Variants in PLXDC2 observed in about 807,000 individuals in gnomAD.
PLXDC2 encodes the protein plexin domain containing 2.
PLXDC2 carries 40 observed loss-of-function variants against 68.9 expected under a neutral mutation model. The ratio of observed to expected loss-of-function variants is 0.58; its 90% confidence interval spans 0.45 to 0.76. The LOEUF is 0.76. PLXDC2 is among the 30% of genes least tolerant of loss of function. The pLI, the probability that PLXDC2 is intolerant of heterozygous loss-of-function variation, is 0.00. For missense variants in PLXDC2, 644 were observed against 661.9 expected, an observed-to-expected ratio of 0.97 and a Z score of 0.30; for synonymous variants, 243 against 234.2, an observed-to-expected ratio of 1.04 and a Z score of -0.34.
At chr10:20,271,749 G>T (rs1035087096) in intron 13 of PLXDC2, among the ~76,000 whole-genome samples, 5 of 152,170 alleles carry the variant, frequency 3.3e-5, no homozygotes, top group African/African-American at 7.2e-5. Flanking sequence ...GTGAACTACA[G>T]AGGCTAATTA....
At chr10:19,981,835 C>CT (rs1266685974) in intron 1 of PLXDC2, among the ~76,000 whole-genome samples, 1 of 152,186 alleles carries the variant, frequency 6.6e-6, no homozygotes, top group Non-Finnish European at 1.5e-5. Context: ...TAAGGACCCA[C>CT]TGTGGAGTTC....
chr10:20,257,982 T>G (rs1396481624), intron 13 of PLXDC2, among the ~76,000 whole-genome samples: 2 of 139,412 alleles, frequency 1.4e-5, no homozygotes, highest in East Asian at 2.1e-4. Context: ...TTTTGTGATT[T>G]TCTTTTTTTT....
At chr10:20,274,917 T>C (rs1835985924) in intron 13 of PLXDC2, among the ~76,000 whole-genome samples, 1 of 151,862 alleles carries the variant, frequency 6.6e-6, no homozygotes, top group Non-Finnish European at 1.5e-5. Flanking sequence ...TAAATATATA[T>C]GTTTAATGAC....
intron 9 of PLXDC2, among the ~76,000 whole-genome samples, chr10:20,208,965 G>T (rs910467192): frequency 1.3e-5 from 2 of 152,032 alleles, no homozygotes; most frequent in African/African-American, 4.8e-5. Flanking sequence ...TAGGGTGTGG[G>T]CCACAGAGAT....
chr10:20,239,122 A>C (rs1231106534), intron 12 of PLXDC2, among the ~76,000 whole-genome samples: 1 of 152,170 alleles, frequency 6.6e-6, no homozygotes, highest in Non-Finnish European at 1.5e-5. Context: ...GGCTTAACAA[A>C]GACTAAAGAT....
intron 3 of PLXDC2, among the ~76,000 whole-genome samples, chr10:20,061,354 C>T (rs1205497226): frequency 1.3e-5 from 2 of 152,086 alleles, no homozygotes; most frequent in African/African-American, 4.8e-5. Flanking sequence ...TACAATGTCC[C>T]TGATTTTGAG....
intron 11 of PLXDC2, among the ~76,000 whole-genome samples, chr10:20,218,264 G>A (rs1232248016): frequency 6.6e-6 from 1 of 152,044 alleles, no homozygotes; most frequent in Non-Finnish European, 1.5e-5. Context: ...CAGGTTTGAG[G>A]GGGATAAATG....
chr10:19,886,333 G>A (rs1178751069), intron 1 of PLXDC2, among the ~76,000 whole-genome samples: 1 of 152,056 alleles, frequency 6.6e-6, no homozygotes, highest in African/African-American at 2.4e-5. Flanking sequence ...TTTCCTGATT[G>A]AATACCCTTT....
At chr10:20,072,626 ATCTG>A (rs1836355689) in intron 4 of PLXDC2, among the ~76,000 whole-genome samples, 1 of 152,178 alleles carries the variant, frequency 6.6e-6, no homozygotes. Flanking sequence ...ATCTGGCCTG[ATCTG>A]TCAGTGGAAG....
rs1835760672 is a variant in PLXDC2, at chr10:20,044,407, T to C, written c.325-2462T>C. Among the ~76,000 whole-genome samples the C allele has an allele frequency of 3.3e-5, 5 of 151,352 alleles. No individual in the cohort carries two copies. The South Asian group carries it at 1.0e-3, about 32-fold the overall frequency. On this transcript the variant is annotated intron_variant, in intron 2 of 13. Coordinates refer to ENST00000377252, the MANE Select transcript of PLXDC2 (RefSeq NM_032812.9). ...CTCACTGCAAACTCCGCCTCCCAAG[T>C]TCAAGCAGTTCTCCTGCCTCAGCCT...
intron 2 of PLXDC2, among the ~76,000 whole-genome samples, chr10:20,025,355 C>A (rs979194050): frequency 3.9e-5 from 6 of 151,970 alleles, no homozygotes; most frequent in Admixed American, 3.3e-4. Flanking sequence ...CCTCCACCTC[C>A]CAGGTTCAAT....
At chr10:20,025,065 A>G (rs1479859769) in intron 2 of PLXDC2, among the ~76,000 whole-genome samples, 1 of 152,096 alleles carries the variant, frequency 6.6e-6, no homozygotes, top group African/African-American at 2.4e-5. Context: ...CACCAAAATG[A>G]TGTATTTTCT....
chr10:20,164,676 T>A (rs1280657585), intron 7 of PLXDC2, 109 bp downstream of exon 7: 1 of 806,090 alleles, frequency 1.2e-6, no homozygotes, highest in East Asian at 2.6e-5. Flanking sequence ...AGCTAATCGA[T>A]TAGCTGATTA....
chr10:20,204,210 A>G (rs1834959648), intron 9 of PLXDC2, among the ~76,000 whole-genome samples: 1 of 152,146 alleles, frequency 6.6e-6, no homozygotes. Context: ...ATTTTTTACT[A>G]ATTTATAATT....
intron 4 of PLXDC2, among the ~76,000 whole-genome samples, chr10:20,110,800 A>G (rs1365196161): frequency 6.6e-6 from 1 of 152,124 alleles, no homozygotes; most frequent in Non-Finnish European, 1.5e-5. Context: ...GGATCTCTGC[A>G]TGTTACAATT....
chr10:20,173,134 T>C (rs1375234193), intron 7 of PLXDC2, among the ~76,000 whole-genome samples: 1 of 152,138 alleles, frequency 6.6e-6, no homozygotes, highest in Non-Finnish European at 1.5e-5. Flanking sequence ...ATGAATCTTG[T>C]GGTTATACGA....
intron 12 of PLXDC2, among the ~76,000 whole-genome samples, chr10:20,226,025 C>T (rs1017283785): frequency 1.3e-5 from 2 of 152,124 alleles, no homozygotes; most frequent in African/African-American, 4.8e-5. Context: ...AGCCACAGAC[C>T]ACACTTGGAG....
chr10:20,065,727 A>T (rs1017402811), intron 3 of PLXDC2, among the ~76,000 whole-genome samples: 2 of 152,154 alleles, frequency 1.3e-5, no homozygotes, highest in African/African-American at 2.4e-5. Flanking sequence ...TGCAACCTAG[A>T]TCCCTCGCAT....
intron 4 of PLXDC2, among the ~76,000 whole-genome samples, chr10:20,092,185 C>T (rs533602808): frequency 2.6e-5 from 4 of 152,242 alleles, no homozygotes; most frequent in South Asian, 4.2e-4. Flanking sequence ...TTATGAAATA[C>T]CGCATAAGTA....
Sources: gnomAD v4.1 joint callset for allele counts (sites outside exome capture counted in the v4.1 genomes callset) on GRCh38, gnomAD v4.1.1 for gene constraint, MANE v1.5 for transcripts, NCBI Gene and HGNC (gene_info 2026-07-23, HGNC 2026-07-21) for gene names.